The following UPF1 variants were observed in gnomAD, a reference collection of about 807,000 sequenced individuals.
UPF1 encodes regulator of nonsense transcripts 1.
In UPF1, 9 loss-of-function variants were observed where a neutral mutation model predicts 129.2. The ratio of observed to expected loss-of-function variants is 0.07; its 90% CI spans 0.04 to 0.12. The LOEUF (loss-of-function observed/expected upper bound fraction) is 0.12, where lower values mean the gene tolerates loss of function less well. UPF1 is among the 10% of genes least tolerant of loss of function. The probability of loss-of-function intolerance (pLI) is 1.00; values close to 1 mark genes in which losing one functional copy is unlikely to be tolerated. For missense variants in UPF1, 788 were observed against 1,525.3 expected, an observed-to-expected ratio of 0.52 and a Z score of 8.05; for synonymous variants, 649 against 644.9, an observed-to-expected ratio of 1.01 and a Z score of -0.10.
At position 18,865,491 on chromosome 19, in the gene UPF1, AGCTCTT is replaced by A; in HGVS notation, c.3019+43_3019+48del. 1 of 1,611,416 alleles carries A rather than the reference AGCTCTT, an allele frequency of 6.2e-7. No homozygotes were observed. Among genetic ancestry groups the A allele is most frequent in the South Asian group, 1.1e-5 (1 of 91,042 alleles). ...TGCGGCTGGGTGTGGCCCTCCTGAG[AGCTCTT>A]GAGGGTGTGCTTGTCTGCGAGGCCC... On this transcript the variant is annotated intron_variant, in intron 21 of 23. Coordinates refer to ENST00000262803, the MANE Select transcript of UPF1 (RefSeq NM_002911.4). This position sits in a 1 kb window ranked among gnomAD's most constrained non-coding sequence, Gnocchi z 6.1.
At position 18,856,171 on chromosome 19, in the gene UPF1, T is replaced by C. The variant is rs2145959598; in HGVS notation, c.1710-15T>C. On this transcript the variant is annotated splice_polypyrimidine_tract_variant and intron_variant, in intron 12 of 23. Transcript: ENST00000262803. ...ACAGAACTCAGGCACCCTGCTGACC[T>C]GCATGTGCTTCCAGCATGCCTGAGC... is the stretch of plus-strand genomic sequence containing the variant. The C allele has an allele frequency of 1.9e-6, 3 of 1,605,854 alleles. No homozygotes were observed. Among genetic ancestry groups the C allele is most frequent in the East Asian group, 2.2e-5 (1 of 44,594 alleles).
chr19:18,844,551 T>C (rs1466503676), intron 1 of UPF1, among the ~76,000 whole-genome samples: 1 of 151,818 alleles, frequency 6.6e-6, no homozygotes, highest in African/African-American at 2.4e-5. Flanking sequence ...CAGGCTGGTC[T>C]CGAACTCCTG....
intron 18 of UPF1, 108 bp from the exon 19 acceptor site, chr19:18,863,330 C>T: frequency 6.9e-7 from 1 of 1,451,714 alleles, no homozygotes. Flanking sequence ...GTCCACGCCT[C>T]TGTTGCCTTG....
chr19:18,832,169 T>G lies in UPF1; in HGVS notation c.-41T>G. On this transcript the variant is annotated 5_prime_UTR_variant, in exon 1 of 24. Coordinates refer to ENST00000262803, the MANE Select transcript of UPF1 (RefSeq NM_002911.4). This position sits in a 1 kb window ranked among gnomAD's most constrained non-coding sequence, Gnocchi z 5.6. ...GCCTCAGCGCGGCGGCGGGCTCGAG[T>G]GCAGCGCGGAACCGGCCCGAGGGCC... The G allele has an allele frequency of 6.7e-7, 1 of 1,491,438 alleles. No individual in the cohort carries two copies. Among genetic ancestry groups the G allele is most frequent in the Non-Finnish European group, 9.0e-7 (1 of 1,114,974 alleles). The allele number at this position is 1,491,438 out of a possible 1,614,324, so 92.4% of individuals were successfully genotyped here. A position where few individuals can be genotyped will look rare whatever the true frequency, so the allele number is the denominator to read the frequency against.
chr19:18,857,168 C>T, intron 14 of UPF1, 148 bp downstream of exon 14: 2 of 1,479,648 alleles, frequency 1.4e-6, no homozygotes, highest in Non-Finnish European at 1.8e-6. Context: ...AGGGTGGGTT[C>T]TGCCAGCTGC....
At chr19:18,863,684 G>A in intron 19 of UPF1, 72 bp downstream of exon 19, 1 of 1,516,640 alleles carries the variant, frequency 6.6e-7, no homozygotes, top group South Asian at 1.2e-5. Context: ...GAACGTGCCA[G>A]CTTGGCCCGT....
rs764657446 is a variant in UPF1 at position 18,857,386 on chromosome 19, G to A, written c.2035G>A (p.Gly679Arg). The A allele has an allele frequency of 1.9e-6, 3 of 1,613,352 alleles. No homozygotes were observed. The highest frequency in any genetic ancestry group is 1.3e-5 in the African/African-American group (1 of 74,948). The change falls in exon 15 of 24, where the codon GGG becomes AGG. Residue 679 changes from glycine to arginine, a missense_variant. Transcript: ENST00000262803. ...GATGTGCAAGAAGGCGGCCAAGGCC[G>A]GGCTGTCACAGTCGCTCTTCGAGCG... ...VVMCKKAAKAGLSQSLFERLV... is the reference protein window; with the variant it reads ...VVMCKKAAKARLSQSLFERLV...
rs762952797 is a variant in UPF1, at chr19:18,856,239, C to T, written c.1763C>T (p.Ser588Leu). ...CTGAAAGACGAGACTGGGGAGCTGT[C>T]GTCTGCCGACGAGAAGCGGTACCGG... ...QQLKDETGEL[S>L]SADEKRYRAL... Residue 588 changes from serine (S) to leucine (L), a missense_variant, in exon 13 of 24, where the codon TCG becomes TTG. This residue lies in a region of UPF1 where 91 missense variants were observed against 157.2 expected (regional missense o/e 0.58). Coordinates refer to ENST00000262803, the MANE Select transcript of UPF1 (RefSeq NM_002911.4). 7 of 1,610,256 alleles carry T rather than the reference C, an allele frequency of 4.3e-6. No homozygotes were observed. Among genetic ancestry groups the T allele is most frequent in the African/African-American group, 2.7e-5 (2 of 74,888 alleles).
rs2055678445 is a variant in UPF1, at chr19:18,853,152, CTAG to C, written c.1057+83_1057+85del. On this transcript the variant is annotated intron_variant, in intron 7 of 23. Transcript: ENST00000262803. The surrounding 1 kb of genome is among the most constrained non-coding windows in gnomAD (Gnocchi z 4.4). Reference sequence around the variant, plus strand: ...TTGTGACCATAAGTAGCATAAATTCCTAGTTCCACCCTTGTAAAGTGCCCCTTA... The same window carrying C: ...TTGTGACCATAAGTAGCATAAATTCCTTCCACCCTTGTAAAGTGCCCCTTA... 6.2e-7 allele frequency: 1 copy of C among 1,602,664 alleles called. No individual in the cohort carries two copies. Among genetic ancestry groups the C allele is most frequent in the Non-Finnish European group, 8.5e-7 (1 of 1,171,690 alleles).
intron 1 of UPF1, among the ~76,000 whole-genome samples, chr19:18,836,871 A>G (rs2055488877): frequency 6.7e-6 from 1 of 149,506 alleles, no homozygotes; most frequent in Non-Finnish European, 1.5e-5. Flanking sequence ...CTCCTGCCCT[A>G]GCCTCTCGAG....
At chr19:18,835,990 A>G (rs771115195) in intron 1 of UPF1, among the ~76,000 whole-genome samples, 7 of 152,208 alleles carry the variant, frequency 4.6e-5, no homozygotes, top group Non-Finnish European at 8.8e-5. Context: ...GGGATGGGAA[A>G]GTGGCAGCAG....
Position 18,853,271 on chromosome 19 carries a change from G to C in UPF1, c.1077G>C (p.Gly359=). ...KTDSDMRLMQ[G]DEICLRYKGD... ...CTCAAGACATGCGGCTCATGCAGGG[G>C]GATGAGATATGCCTGCGGTACAAAG... The change falls in exon 8 of 24, where the codon GGG becomes GGC. Residue 359 remains glycine, a synonymous_variant. Coordinates refer to ENST00000262803, the MANE Select transcript of UPF1 (RefSeq NM_002911.4). The surrounding 1 kb of genome is among the most constrained non-coding windows in gnomAD (Gnocchi z 4.4). The C allele has an allele frequency of 6.2e-7, 1 of 1,612,818 alleles. No individual in the cohort carries two copies. Among genetic ancestry groups the C allele is most frequent in the Non-Finnish European group, 8.5e-7 (1 of 1,179,276 alleles).
chr19:18,846,682 G>A (rs571969606), intron 2 of UPF1, among the ~76,000 whole-genome samples: 5 of 152,254 alleles, frequency 3.3e-5, no homozygotes, highest in South Asian at 4.2e-4. Context: ...GTGAGGAAAT[G>A]TAGATTAGAA....
chr19:18,860,450 C>T lies in UPF1; in HGVS notation c.2300+12C>T, dbSNP rs776835898. Reference sequence around the variant, plus strand: ...TCCTACCTGAACAGGTGAGCAGGGACAGGCCCACCGGCGTCTGCAGGTCTT... The same window carrying T: ...TCCTACCTGAACAGGTGAGCAGGGATAGGCCCACCGGCGTCTGCAGGTCTT... On this transcript the variant is annotated intron_variant, in intron 16 of 23. Transcript: ENST00000262803. 1 of 1,612,898 alleles carries T rather than the reference C, an allele frequency of 6.2e-7. No homozygotes were observed. Among genetic ancestry groups the T allele is most frequent in the Non-Finnish European group, 8.5e-7 (1 of 1,179,072 alleles).
intron 18 of UPF1, among the ~76,000 whole-genome samples, chr19:18,862,423 T>C (rs1034215290): frequency 4.0e-5 from 6 of 151,736 alleles, no homozygotes; most frequent in Non-Finnish European, 7.4e-5. Context: ...TTGTTTAATC[T>C]GAGAGGCTGT....
chr19:18,865,923 G>T lies in UPF1; in HGVS notation c.3238-121G>T. On this transcript the variant is annotated intron_variant, in intron 22 of 23. Transcript: ENST00000262803. This position sits in a 1 kb window ranked among gnomAD's most constrained non-coding sequence, Gnocchi z 6.1. ...TCCCTGGGCTGGGGTCATCAGAGTGGGTCTCCTGGGTCTTAGTTTGGGGAC... is the reference window on the plus strand; with the variant it reads ...TCCCTGGGCTGGGGTCATCAGAGTGTGTCTCCTGGGTCTTAGTTTGGGGAC... 6.3e-7 allele frequency: 1 copy of T among 1,581,006 alleles called. No homozygotes were observed. Among genetic ancestry groups the T allele is most frequent in the Non-Finnish European group, 8.6e-7 (1 of 1,166,140 alleles).
intron 3 of UPF1, chr19:18,849,826 A>T: frequency 2.0e-6 from 1 of 504,108 alleles, no homozygotes; most frequent in Non-Finnish European, 3.5e-6. Flanking sequence ...TTTTTAAAAA[A>T]GGCAGGAACT....
chr19:18,863,290 C>A, intron 18 of UPF1, 148 bp from the exon 19 acceptor site: 1 of 1,049,726 alleles, frequency 9.5e-7, no homozygotes, highest in Non-Finnish European at 1.4e-6. Context: ...TGGGGCCTGT[C>A]CCTGTGGCTG....
At position 18,851,165 on chromosome 19, in the gene UPF1, G is replaced by A. The variant is rs530854156; in HGVS notation, c.810+297G>A. ...GTGGTGGGAGGGGAAGAATGGGGCT[G>A]GCTGTGGGCAGACTTGTCCTGCAGA... is the stretch of plus-strand genomic sequence containing the variant. On this transcript the variant is annotated intron_variant, in intron 5 of 23. Transcript: ENST00000262803. This position sits in a 1 kb window ranked among gnomAD's most constrained non-coding sequence, Gnocchi z 4.2. 1 of 287,750 alleles carries A rather than the reference G, an allele frequency of 3.5e-6. No homozygotes were observed. The highest frequency in any genetic ancestry group is 6.6e-6 in the Non-Finnish European group (1 of 150,910). 17.8% of individuals were successfully genotyped at this position (287,750 alleles called of 1,614,324 possible).
Sources: allele counts gnomAD v4.1 joint callset (sites outside exome capture counted in the v4.1 genomes callset), GRCh38; gene constraint gnomAD v4.1.1; regional missense constraint gnomAD v4.1.1; non-coding constraint Gnocchi (gnomAD v3.1); transcripts MANE v1.5; gene names NCBI Gene and HGNC (gene_info 2026-07-23, HGNC 2026-07-21).